The following TAFA1 variants were observed in gnomAD, a reference collection of about 807,000 sequenced individuals.
The protein encoded by TAFA1 is TAFA chemokine like family member 1, also known as chemokine-like protein TAFA-1.
TAFA1 carries 4 observed loss-of-function variants against 18.5 expected under a neutral mutation model. The ratio of observed to expected loss-of-function variants is 0.22; its 90% CI spans 0.11 to 0.49. The LOEUF is 0.49. TAFA1 is among the 20% of genes least tolerant of loss of function. The probability of loss-of-function intolerance (pLI) is 0.98; values close to 1 mark genes in which losing one functional copy is unlikely to be tolerated. For synonymous variants in TAFA1, 56 were observed against 55.2 expected (o/e 1.01, Z -0.06); for missense variants, 147 against 169.0 (o/e 0.87, Z 0.72).
At chr3:68,339,239 G>T (rs1038169418) in intron 2 of TAFA1, among the ~76,000 whole-genome samples, 3 of 152,200 alleles carry the variant, frequency 2.0e-5, no homozygotes, top group Non-Finnish European at 4.4e-5. Flanking sequence ...ATTGGTTTCT[G>T]AGTGTGGCAT....
intron 2 of TAFA1, among the ~76,000 whole-genome samples, chr3:68,287,992 G>C (rs1338905257): frequency 6.7e-6 from 1 of 149,350 alleles, no homozygotes; most frequent in Non-Finnish European, 1.5e-5. Context: ...CTTAAATATC[G>C]ATTTTCACAG....
intron 2 of TAFA1, among the ~76,000 whole-genome samples, chr3:68,359,436 A>G (rs1412098576): frequency 6.6e-6 from 1 of 152,010 alleles, no homozygotes. Flanking sequence ...TGAATTATCT[A>G]GCTTGGCCTA....
intron 3 of TAFA1, among the ~76,000 whole-genome samples, chr3:68,510,534 G>A (rs2072829289): frequency 6.6e-6 from 1 of 152,148 alleles, no homozygotes; most frequent in Admixed American, 6.6e-5. Flanking sequence ...ACATTTCCCA[G>A]TTGCATGTTT....
chr3:68,357,471 T>G (rs2069387467), intron 2 of TAFA1, among the ~76,000 whole-genome samples: 1 of 151,944 alleles, frequency 6.6e-6, no homozygotes, highest in Non-Finnish European at 1.5e-5. Context: ...GATTTGTTAG[T>G]TTTGGCTGCC....
intron 2 of TAFA1, among the ~76,000 whole-genome samples, chr3:68,350,904 T>A (rs2106774077): frequency 6.6e-6 from 1 of 152,218 alleles, no homozygotes; most frequent in Non-Finnish European, 1.5e-5. Flanking sequence ...GCTGGGAAAC[T>A]GACTTTGAAA....
intron 2 of TAFA1, among the ~76,000 whole-genome samples, chr3:68,374,654 C>G (rs2069773256): frequency 6.6e-6 from 1 of 152,116 alleles, no homozygotes; most frequent in African/African-American, 2.4e-5. Context: ...AACCCCATCC[C>G]ATGTATTTCT....
chr3:68,524,749 C>G (rs1355710645), intron 3 of TAFA1, among the ~76,000 whole-genome samples: 1 of 152,014 alleles, frequency 6.6e-6, no homozygotes, highest in Admixed American at 6.6e-5. Flanking sequence ...CGGCTCACTG[C>G]AAGCTCTGCC....
intron 3 of TAFA1, among the ~76,000 whole-genome samples, chr3:68,501,113 A>T (rs967469159): frequency 9.6e-5 from 14 of 146,362 alleles, no homozygotes; most frequent in Admixed American, 4.2e-4. Flanking sequence ...TGAGATCATG[A>T]CACTGCACCC....
At chr3:68,459,170 A>G (rs2071726663) in intron 3 of TAFA1, among the ~76,000 whole-genome samples, 1 of 152,214 alleles carries the variant, frequency 6.6e-6, no homozygotes, top group South Asian at 2.1e-4. Flanking sequence ...GGAAGTGCTC[A>G]TCAGCTGAGG....
chr3:68,385,698 C>T (rs142853503), intron 2 of TAFA1, among the ~76,000 whole-genome samples: 2 of 151,936 alleles, frequency 1.3e-5, no homozygotes, highest in Non-Finnish European at 2.9e-5. Context: ...CAAACTATAG[C>T]CTGTAGGCCA....
At chr3:68,316,657 A>G (rs924744072) in intron 2 of TAFA1, among the ~76,000 whole-genome samples, 3 of 152,186 alleles carry the variant, frequency 2.0e-5, no homozygotes, top group Non-Finnish European at 4.4e-5. Context: ...CAATTTTTAT[A>G]ACAAATATTT....
chr3:68,152,625 C>T (rs2065819786), intron 2 of TAFA1, among the ~76,000 whole-genome samples: 3 of 152,112 alleles, frequency 2.0e-5, no homozygotes, highest in Admixed American at 1.3e-4. Context: ...TTTTAAAATA[C>T]AGCTAGATCT....
intron 2 of TAFA1, among the ~76,000 whole-genome samples, chr3:68,033,679 T>A (rs375326263): frequency 3.3e-5 from 5 of 152,196 alleles, no homozygotes; most frequent in African/African-American, 1.2e-4. Flanking sequence ...ATGAAAAAAA[T>A]TAGCATATGA....
At chr3:68,271,633 C>T (rs982619568) in intron 2 of TAFA1, among the ~76,000 whole-genome samples, 1 of 152,044 alleles carries the variant, frequency 6.6e-6, no homozygotes, top group Non-Finnish European at 1.5e-5. Flanking sequence ...TGTTGAGAAA[C>T]GTTTTCTGAT....
chr3:68,439,848 A>G (rs181717645), intron 3 of TAFA1, among the ~76,000 whole-genome samples: 37 of 152,196 alleles, frequency 2.4e-4, no homozygotes, highest in Admixed American at 2.4e-3. Context: ...TTCCTTGTCA[A>G]CTTGAATGCA....
rs1355024593 is a variant in TAFA1 at position 68,455,987 on chromosome 3, C to A, written c.259+38567C>A. ...GAATTAAATACATGGTGTTTGGGAG[C>A]AAGTAGATTACTTGATGCCTTCAGT... On this transcript the variant is annotated intron_variant, in intron 3 of 4. Transcript: ENST00000478136. Among the ~76,000 whole-genome samples the A allele has an allele frequency of 2.0e-5, 3 of 152,218 alleles. No individual in the cohort carries two copies. In the East Asian group the frequency reaches 5.8e-4, roughly 29 times the overall value.
chr3:68,304,692 G>C (rs73099622), intron 2 of TAFA1, among the ~76,000 whole-genome samples: 15,494 of 152,238 alleles, frequency 0.1, 1,229 homozygotes, highest in East Asian at 0.36. Flanking sequence ...AGAAGCTAAA[G>C]AGTGATTTGG....
chr3:68,507,389 A>G (rs1431085056), intron 3 of TAFA1, among the ~76,000 whole-genome samples: 2 of 152,092 alleles, frequency 1.3e-5, no homozygotes, highest in East Asian at 1.9e-4. Context: ...ATTTATTTAT[A>G]TGGAAAAAAT....
At chr3:68,208,444 T>A (rs999268914) in intron 2 of TAFA1, among the ~76,000 whole-genome samples, 1 of 151,912 alleles carries the variant, frequency 6.6e-6, no homozygotes, top group Admixed American at 6.6e-5. Context: ...TCCCACCAGA[T>A]TTAAGAAAAG....
Sources: gnomAD v4.1 joint callset for allele counts (sites outside exome capture counted in the v4.1 genomes callset) on GRCh38, gnomAD v4.1.1 for gene constraint, MANE v1.5 for transcripts, NCBI Gene and HGNC (gene_info 2026-07-23, HGNC 2026-07-21) for gene names.